Variants in JAKMIP3 observed in about 807,000 individuals in gnomAD.
JAKMIP3 encodes the protein Janus kinase and microtubule interacting protein 3.
A neutral mutation model predicts 118.5 loss-of-function variants in JAKMIP3; 58 were observed. The ratio of observed to expected loss-of-function variants is 0.49; its 90% CI spans 0.40 to 0.61. The LOEUF (loss-of-function observed/expected upper bound fraction) is 0.61. Ranked by LOEUF, JAKMIP3 falls within the 20% of genes least tolerant of loss-of-function variation. The pLI, the probability that JAKMIP3 is intolerant of heterozygous loss-of-function variation, is 0.00. For synonymous variants in JAKMIP3, 486 were observed against 451.2 expected, an observed-to-expected ratio of 1.08 and a Z score of -0.98; for missense variants, 950 against 1,109.0, an observed-to-expected ratio of 0.86 and a Z score of 2.04.
At chr10:132,054,528 G>T (rs1349026107) in intron 1 of JAKMIP3, among the ~76,000 whole-genome samples, 2 of 152,174 alleles carry the variant, frequency 1.3e-5, no homozygotes, top group African/African-American at 4.8e-5. Flanking sequence ...TACAGGTGGG[G>T]TGTGTATGAG....
intron 14 of JAKMIP3, among the ~76,000 whole-genome samples, chr10:132,148,510 C>T: frequency 9.3e-6 from 1 of 107,480 alleles, no homozygotes; most frequent in South Asian, 3.4e-4. Context: ...GCACGTCCGT[C>T]CTCCATCCGC....
chr10:132,100,095 T>C (rs995628669), intron 1 of JAKMIP3, among the ~76,000 whole-genome samples: 2 of 152,146 alleles, frequency 1.3e-5, no homozygotes, highest in African/African-American at 4.8e-5. Context: ...TGATCCAGGC[T>C]CCCCAGGGCA....
At chr10:132,036,435 C>T (rs542403112), upstream of JAKMIP3, among the ~76,000 whole-genome samples, 341 of 152,290 alleles carry the variant, frequency 2.2e-3, 8 homozygotes, top group Admixed American at 0.019. Context: ...CGGCGGCGCC[C>T]GGTGCCCGGC....
At chr10:132,152,906 A>G (rs2136208498) in intron 16 of JAKMIP3, 52 bp from the exon 17 acceptor site, 1 of 1,432,336 alleles carries the variant, frequency 7.0e-7, no homozygotes, top group Non-Finnish European at 9.7e-7. Flanking sequence ...ACTCACCCTC[A>G]CCCCCAAAGG....
intron 2 of JAKMIP3, among the ~76,000 whole-genome samples, chr10:132,107,983 A>G (rs2046179026): frequency 6.6e-6 from 1 of 152,182 alleles, no homozygotes; most frequent in African/African-American, 2.4e-5. Context: ...GCTGGCTCCC[A>G]AGGGCAGCTC....
intron 1 of JAKMIP3, among the ~76,000 whole-genome samples, chr10:132,048,121 C>T (rs1458370004): frequency 6.6e-6 from 1 of 152,186 alleles, no homozygotes; most frequent in Non-Finnish European, 1.5e-5. Flanking sequence ...GCATCCTCCG[C>T]GTGGAGCAGA....
At chr10:132,129,805 T>C (rs1345875600) in intron 3 of JAKMIP3, among the ~76,000 whole-genome samples, 1 of 152,026 alleles carries the variant, frequency 6.6e-6, no homozygotes, top group Non-Finnish European at 1.5e-5. Context: ...GACTTGTTCA[T>C]CGCAGAAGGG....
At position 132,131,458 on chromosome 10, in the gene JAKMIP3, G is replaced by T. The variant is rs143936458; in HGVS notation, c.634-1854G>T. Among the ~76,000 whole-genome samples the T allele has an allele frequency of 6.3e-3, 957 of 151,074 alleles. 11 individuals are homozygous for T. The highest frequency in any genetic ancestry group is 0.022 in the African/African-American group (922 of 41,068). On this transcript the variant is annotated intron_variant, in intron 3 of 23. Coordinates refer to ENST00000684848, the MANE Select transcript of JAKMIP3 (RefSeq NM_001323087.2). ...GCCTGAGAGACAGGGTACCTAAGGGGTGAGGGTGTCGGGCCCGGGGAGATG... is the reference window on the plus strand; with the variant it reads ...GCCTGAGAGACAGGGTACCTAAGGGTTGAGGGTGTCGGGCCCGGGGAGATG...
At chr10:132,071,932 T>TTCC (rs2040018111) in intron 1 of JAKMIP3, among the ~76,000 whole-genome samples, 1 of 26,960 alleles carries the variant, frequency 3.7e-5, no homozygotes, top group African/African-American at 3.4e-4. Flanking sequence ...CCTTCCTTTC[T>TTCC]TTCCTTTTTT....
chr10:132,088,278 G>A (rs1231546836), intron 1 of JAKMIP3, among the ~76,000 whole-genome samples: 3 of 152,104 alleles, frequency 2.0e-5, no homozygotes, highest in African/African-American at 4.8e-5. Flanking sequence ...CTGAGGAATC[G>A]CCACTCTGAT....
chr10:132,126,751 G>GTT (rs35100369), intron 3 of JAKMIP3, among the ~76,000 whole-genome samples: 3 of 151,944 alleles, frequency 2.0e-5, no homozygotes, highest in Non-Finnish European at 4.4e-5. Flanking sequence ...ATGATCATGT[G>GTT]TTTTTTTCTT....
At chr10:132,088,140 C>G (rs2042635830) in intron 1 of JAKMIP3, among the ~76,000 whole-genome samples, 1 of 152,034 alleles carries the variant, frequency 6.6e-6, no homozygotes, top group Non-Finnish European at 1.5e-5. Flanking sequence ...CAAGTCTTTG[C>G]TATTGTGAAT....
At position 132,137,285 on chromosome 10, in the gene JAKMIP3, T is replaced by C; in HGVS notation, c.1280T>C (p.Val427Ala). 1 of 1,613,656 alleles carries C rather than the reference T, an allele frequency of 6.2e-7. No individual in the cohort carries two copies. The highest frequency in any genetic ancestry group is 8.5e-7 in the Non-Finnish European group (1 of 1,179,850). The change falls in exon 8 of 24, where the codon GTG (valine) becomes GCG (alanine). Residue 427 changes from valine to alanine, a missense_variant. By Grantham distance (64) the Val-to-Ala change is moderately conservative. Transcript: ENST00000684848. ...TLETAGYVKS[V>A]LERDKLLRFR... ...GAGACCGCCGGCTACGTGAAGAGCG[T>C]GTTAGTAAGTATGGTCAGCGCCCGC...
rs566110857 is a variant in JAKMIP3, at chr10:132,168,017, G to A, written c.*87G>A. 1.3e-4 allele frequency: 164 copies of A among 1,289,596 alleles called. 1 individual carries two copies. Among genetic ancestry groups the A allele is most frequent in the Middle Eastern group, 6.4e-4 (3 of 4,696 alleles). The allele number at this position is 1,289,596 out of a possible 1,614,324, so 79.9% of individuals were successfully genotyped here. A position where few individuals can be genotyped will look rare whatever the true frequency, so the allele number is the denominator to read the frequency against. On this transcript the variant is annotated 3_prime_UTR_variant, in exon 23 of 24. Transcript: ENST00000684848. The stretch of plus-strand genomic sequence containing the variant: ...GAAAGCAGGGACAAAATGGGACGTC[G>A]CGTCTCCATCCTGAAGACCCAGGGA...
intron 2 of JAKMIP3, among the ~76,000 whole-genome samples, chr10:132,110,456 G>A (rs557153808): frequency 5.9e-5 from 9 of 152,386 alleles, no homozygotes; most frequent in East Asian, 1.9e-4. Context: ...GGTTAAATCC[G>A]TTTACATTGA....
intron 3 of JAKMIP3, among the ~76,000 whole-genome samples, chr10:132,128,306 G>A (rs975728162): frequency 1.3e-5 from 2 of 152,158 alleles, no homozygotes; most frequent in African/African-American, 2.4e-5. Flanking sequence ...CAGGCAATGT[G>A]TCTTTTTTCC....
At chr10:132,072,021 G>A (rs1169715206) in intron 1 of JAKMIP3, among the ~76,000 whole-genome samples, 2 of 150,788 alleles carry the variant, frequency 1.3e-5, no homozygotes, top group African/African-American at 2.4e-5. Flanking sequence ...GCACGATCTC[G>A]GCTCACTGCA....
intron 2 of JAKMIP3, among the ~76,000 whole-genome samples, chr10:132,109,113 C>T (rs10870257): frequency 0.41 from 52,905 of 129,564 alleles, 11,939 homozygotes; most frequent in East Asian, 0.76. Context: ...TACACACACA[C>T]ATATATATAT....
chr10:132,038,995 C>T (rs1488936723), intron 1 of JAKMIP3, among the ~76,000 whole-genome samples: 3 of 152,208 alleles, frequency 2.0e-5, no homozygotes, highest in East Asian at 3.9e-4. Flanking sequence ...CCAGCGGAGC[C>T]GCTCGTGAGG....
Sources: gnomAD v4.1 joint callset for allele counts (sites outside exome capture counted in the v4.1 genomes callset) on GRCh38, gnomAD v4.1.1 for gene constraint, MANE v1.5 for transcripts, NCBI Gene and HGNC (gene_info 2026-07-23, HGNC 2026-07-21) for gene names.